SVEP1: variants seen among roughly 807,000 people sequenced by gnomAD.
SVEP1 encodes the protein sushi, von Willebrand factor type A, EGF and pentraxin domain containing 1, also known as sushi, von Willebrand factor type A, EGF and pentraxin domain-containing protein 1.
In SVEP1, 164 loss-of-function variants were observed where a neutral mutation model predicts 367.3. The observed-to-expected ratio is 0.45, with a 90% CI of 0.39 to 0.51. SVEP1 has a LOEUF of 0.51. Ranked by LOEUF, SVEP1 falls within the 20% of genes least tolerant of loss-of-function variation. The pLI is 0.00. For missense variants in SVEP1, 4,117 were observed against 4,425.3 expected (o/e 0.93, Z 1.98); for synonymous variants, 1,666 against 1,611.6 (o/e 1.03, Z -0.81).
chr9:110,448,154 TGTGTGTGTGCGCGCGCTCGC>T (rs1828634786), intron 24 of SVEP1, among the ~76,000 whole-genome samples: 3 of 59,930 alleles, frequency 5.0e-5, no homozygotes, highest in African/African-American at 7.2e-5. Context: ...TGTGTGCGCG[TGTGTGTGTGCGCGCGCTCGC>T]GCGTGTGTAT....
At chr9:110,409,438 GAAAGAAAA>G (rs910110837) in intron 37 of SVEP1, among the ~76,000 whole-genome samples, 2 of 151,710 alleles carry the variant, frequency 1.3e-5, no homozygotes, top group African/African-American at 4.8e-5. Flanking sequence ...AGAAAGAAAA[GAAAGAAAA>G]AAAGAAAATC....
chr9:110,476,186 G>A lies in SVEP1; in HGVS notation c.2599+18C>T, dbSNP rs1234978461. 2.0e-6 allele frequency: 3 copies of A among 1,512,358 alleles called. No individual in the cohort carries two copies. The Admixed American group carries it at 5.1e-5, about 25-fold the overall frequency. The allele number at this position is 1,512,358 out of a possible 1,614,324, so 93.7% of individuals were successfully genotyped here. On this transcript the variant is annotated intron_variant, in intron 14 of 47. Coordinates refer to ENST00000374469, the MANE Select transcript of SVEP1 (RefSeq NM_153366.4). Reference sequence around the variant, plus strand: ...CAGATTAGTCTTGCCAACTACCGATGCCACAGAATTTAATTACCAATTGCA... The same window carrying A: ...CAGATTAGTCTTGCCAACTACCGATACCACAGAATTTAATTACCAATTGCA...
At chr9:110,570,227 G>A (rs1830539028) in intron 1 of SVEP1, among the ~76,000 whole-genome samples, 1 of 152,066 alleles carries the variant, frequency 6.6e-6, no homozygotes, top group Admixed American at 6.6e-5. Context: ...ATACATAACA[G>A]GAAATTCCTT....
At position 110,450,188 on chromosome 9, in the gene SVEP1, T is replaced by C; in HGVS notation, c.3974A>G (p.Gln1325Arg). ...GCATTTGCACAAGAATCCCCCAACC[T>C]GGTCTTCACAGACTGCATTATTTAA... ...PCLNNAVCED[Q>R]VGGFLCKCPP... The change falls in exon 24 of 48, where the codon CAG becomes CGG. Residue 1325 changes from glutamine to arginine, a missense_variant. Coordinates refer to ENST00000374469, the MANE Select transcript of SVEP1 (RefSeq NM_153366.4). 6.2e-7 allele frequency: 1 copy of C among 1,613,930 alleles called. No individual in the cohort carries two copies. The highest frequency in any genetic ancestry group is 8.5e-7 in the Non-Finnish European group (1 of 1,179,828).
intron 37 of SVEP1, among the ~76,000 whole-genome samples, chr9:110,409,746 A>T (rs1376356782): frequency 6.6e-6 from 1 of 152,222 alleles, no homozygotes. Context: ...TATTTCTTAA[A>T]AATTACTGCT....
chr9:110,464,812 C>A (rs1421899641), intron 18 of SVEP1, among the ~76,000 whole-genome samples: 2 of 152,154 alleles, frequency 1.3e-5, no homozygotes, highest in Non-Finnish European at 2.9e-5. Context: ...CAGTGAGTAG[C>A]AGAGGTAGGC....
At chr9:110,494,857 C>T (rs1005026039) in intron 8 of SVEP1, among the ~76,000 whole-genome samples, 3 of 151,812 alleles carry the variant, frequency 2.0e-5, no homozygotes, top group African/African-American at 7.3e-5. Flanking sequence ...TTCATGCCTG[C>T]GCTAGAGAAT....
Position 110,400,894 on chromosome 9 carries a change from C to T in SVEP1, c.9782G>A (p.Ser3261Asn). Residue 3261 changes from serine (S) to asparagine (N), a missense_variant, in exon 40 of 48, where the codon AGC becomes AAC. Physicochemically the swap from Ser to Asn is conservative, Grantham distance 46 (BLOSUM62 1). Transcript: ENST00000374469. ...FVVGSKYTFESTIIYQCEPGY... is the reference protein window; with the variant it reads ...FVVGSKYTFENTIIYQCEPGY... The stretch of plus-strand genomic sequence containing the variant: ...AGGCTCACACTGATAAATAATTGTG[C>T]TTTCAAAGGTGTATTTACTGCCAAC... 1 of 1,613,792 alleles carries T rather than the reference C, an allele frequency of 6.2e-7. No homozygotes were observed. The highest frequency in any genetic ancestry group is 1.1e-5 in the South Asian group (1 of 91,062).
Position 110,369,958 on chromosome 9 carries a change from G to C in SVEP1, c.10659C>G (p.His3553Gln). 6.2e-7 allele frequency: 1 copy of C among 1,613,366 alleles called. No individual in the cohort carries two copies. Among genetic ancestry groups the C allele is most frequent in the Non-Finnish European group, 8.5e-7 (1 of 1,179,556 alleles). The change falls in exon 47 of 48, where the codon CAC becomes CAG. Residue 3553 changes from histidine to glutamine, a missense_variant. Physicochemically the swap from His to Gln is conservative, Grantham distance 24. Transcript: ENST00000374469. ...GGKCVRPNRC[H>Q]CLSSWTGHNC... ...TATGTCCCGTCCAAGAAGAAAGACA[G>C]TGACATCGGTTTGGTCTTACACATT... is the stretch of plus-strand genomic sequence containing the variant.
intron 36 of SVEP1, among the ~76,000 whole-genome samples, chr9:110,415,011 T>G (rs538044381): frequency 6.6e-6 from 1 of 151,916 alleles, no homozygotes; most frequent in Non-Finnish European, 1.5e-5. Context: ...AACATGAGCA[T>G]GAAAAGGAAA....
intron 5 of SVEP1, among the ~76,000 whole-genome samples, chr9:110,509,124 A>G (rs765537132): frequency 1.3e-5 from 2 of 152,236 alleles, no homozygotes; most frequent in Non-Finnish European, 2.9e-5. Flanking sequence ...TCCCCATTGT[A>G]AGACACAACA....
chr9:110,447,186 T>A, intron 24 of SVEP1, 129 bp from the exon 25 acceptor site: 1 of 831,206 alleles, frequency 1.2e-6, no homozygotes, highest in Non-Finnish European at 1.7e-6. Context: ...AACAGTGCTT[T>A]AATTGCAGGT....
At chr9:110,543,276 T>C (rs1191292012) in intron 3 of SVEP1, among the ~76,000 whole-genome samples, 2 of 152,160 alleles carry the variant, frequency 1.3e-5, no homozygotes. Flanking sequence ...TGAAAATTTG[T>C]GTTGATGCAA....
At chr9:110,398,324 C>T (rs1289422060) in intron 40 of SVEP1, among the ~76,000 whole-genome samples, 1 of 152,076 alleles carries the variant, frequency 6.6e-6, no homozygotes. Flanking sequence ...TTCCTTACAC[C>T]TTACACAAAA....
In SVEP1 at chr9:110,406,727, C is replaced by T. The variant is rs1221081497; in HGVS notation, c.8873G>A (p.Gly2958Asp). ...AATAAAGGAAAAACCATTAGGGAAA[C>T]CATGGGCAAGATCTTCAGGAGGTCC... The part of the protein sequence containing the change: ...NCGPPEDLAH[G>D]FPNGFSFIHG... Residue 2958 changes from glycine (G) to aspartate (D), a missense_variant, in exon 38 of 48, where the codon GGT becomes GAT. Coordinates refer to ENST00000374469, the MANE Select transcript of SVEP1 (RefSeq NM_153366.4). 1 of 1,613,918 alleles carries T rather than the reference C, an allele frequency of 6.2e-7. No homozygotes were observed. Among genetic ancestry groups the T allele is most frequent in the Non-Finnish European group, 8.5e-7 (1 of 1,179,910 alleles).
Position 110,499,051 on chromosome 9 carries a change from A to G in SVEP1, c.1671T>C (p.Ala557=), listed in dbSNP as rs749090283. 1 of 1,613,382 alleles carries G rather than the reference A, an allele frequency of 6.2e-7. No homozygotes were observed. The highest frequency in any genetic ancestry group is 1.1e-5 in the South Asian group (1 of 90,984). Reference sequence around the variant, plus strand: ...AGTGTAGAGACCTACCTTTACACACAGCTGCCTGAACTCCGACATTCCATT... The same window carrying G: ...AGTGTAGAGACCTACCTTTACACACGGCTGCCTGAACTCCGACATTCCATT... ...SGKWNVGVQA[A]VCKDVEAPQI... The change falls in exon 7 of 48, where the codon GCT becomes GCC. Residue 557 remains alanine, a synonymous_variant. Transcript: ENST00000374469.
In SVEP1 at chr9:110,512,949, G is replaced by A. The variant is rs755790635; in HGVS notation, c.1280C>T (p.Ser427Phe). 3.7e-6 allele frequency: 6 copies of A among 1,613,954 alleles called. No individual in the cohort carries two copies. The highest frequency in any genetic ancestry group is 5.1e-6 in the Non-Finnish European group (6 of 1,179,876). ...ACCTCTGCAGTAGCTCTCTGAACCG[G>A]ACCACAAACCATTGGGTAGACATAA... ...IILCLPNGLW[S>F]GSESYCRVRT... The change falls in exon 5 of 48, where the codon TCC becomes TTC. Residue 427 changes from serine (S) to phenylalanine (F), a missense_variant. This residue lies in a region of SVEP1 where 2,174 missense variants were observed against 2,494.3 expected (regional missense o/e 0.87). Transcript: ENST00000374469.
rs1025108029 is a variant in SVEP1, at chr9:110,490,145, T to C, written c.1801-366A>G. Among the ~76,000 whole-genome samples the C allele has an allele frequency of 2.6e-5, 4 of 152,296 alleles. No individual in the cohort carries two copies. In the East Asian group the frequency reaches 5.8e-4, roughly 22 times the overall value. ...CATTAGTTTGACCCAAACATTTCCA[T>C]TGTAAACAGTTTTGAACAGATAATT... On this transcript the variant is annotated intron_variant, in intron 8 of 47. Transcript: ENST00000374469.
chr9:110,518,452 T>C (rs1829837096), intron 3 of SVEP1, among the ~76,000 whole-genome samples: 1 of 151,758 alleles, frequency 6.6e-6, no homozygotes, highest in African/African-American at 2.4e-5. Context: ...CAGTTATATA[T>C]AAAAGAGAGT....
Sources: gnomAD v4.1 joint callset for allele counts (sites outside exome capture counted in the v4.1 genomes callset) on GRCh38, gnomAD v4.1.1 for gene constraint, gnomAD v4.1.1 regional missense constraint, MANE v1.5 for transcripts, NCBI Gene and HGNC (gene_info 2026-07-23, HGNC 2026-07-21) for gene names.